Variants in PRAMEF12 observed in about 807,000 individuals in gnomAD.
The protein encoded by PRAMEF12 is PRAME family member 12.
Under a neutral mutation model 24.6 loss-of-function variants are expected in PRAMEF12, and 24 were observed. The observed-to-expected ratio is 0.98, with a 90% CI of 0.71 to 1.37. The LOEUF (loss-of-function observed/expected upper bound fraction) is 1.37, where lower values mean the gene tolerates loss of function less well. Among genes scored for constraint, PRAMEF12 ranks in the 40% most tolerant of loss-of-function variants. The pLI is 0.00. For missense variants in PRAMEF12, 646 were observed against 580.3 expected (o/e 1.11, Z -1.16); for synonymous variants, 286 against 242.6 (o/e 1.18, Z -1.66).
In PRAMEF12 at chr1:12,777,318, G is replaced by A; in HGVS notation, c.1171G>A (p.Ala391Thr). The change falls in exon 3 of 3, where the codon GCC becomes ACC. Residue 391 changes from alanine to threonine, a missense_variant. Transcript: ENST00000357726. ...CTTCTGTGGGAACCTCATCTCCATG[G>A]CCGCCCTGGAGAACCTGCTGCGCCA... ...FSFCGNLISM[A>T]ALENLLRHTV... 1 of 1,612,972 alleles carries A rather than the reference G, an allele frequency of 6.2e-7. No individual in the cohort carries two copies. The highest frequency in any genetic ancestry group is 2.2e-5 in the East Asian group (1 of 44,876).
rs763764259 is a variant in PRAMEF12 at position 12,775,953 on chromosome 1, G to A, written c.698G>A (p.Arg233His). The change falls in exon 2 of 3, where the codon CGC becomes CAC. Residue 233 changes from arginine to histidine, a missense_variant. Transcript: ENST00000357726. Reference sequence around the variant, plus strand: ...TACCTGGGCCAGATGAGGAATCTCCGCAAACTTGTTCTCTTCAACATCCAT... The same window carrying A: ...TACCTGGGCCAGATGAGGAATCTCCACAAACTTGTTCTCTTCAACATCCAT... Reference protein sequence around the residue: ...APYLGQMRNLRKLVLFNIHVS... With the variant: ...APYLGQMRNLHKLVLFNIHVS... 31 of 1,613,904 alleles carry A rather than the reference G, an allele frequency of 1.9e-5. No individual in the cohort carries two copies. The highest frequency in any genetic ancestry group is 2.2e-5 in the Non-Finnish European group (26 of 1,180,012).
rs1639072388 is a variant in PRAMEF12 at position 12,777,450 on chromosome 1, G to A, written c.1303G>A (p.Glu435Lys). 1 of 1,614,106 alleles carries A rather than the reference G, an allele frequency of 6.2e-7. No individual in the cohort carries two copies. Among genetic ancestry groups the A allele is most frequent in the East Asian group, 2.2e-5 (1 of 44,868 alleles). Reference sequence around the variant, plus strand: ...GGGAAGATTTTCTCAACTTGGGGCTGAGCTGATGAAGACACTGAGGGACTT... The same window carrying A: ...GGGAAGATTTTCTCAACTTGGGGCTAAGCTGATGAAGACACTGAGGGACTT... ...CWGRFSQLGA[E>K]LMKTLRDLRQ... Residue 435 changes from glutamate (E) to lysine (K), a missense_variant, in exon 3 of 3, where the codon GAG becomes AAG. By Grantham distance (56) the Glu-to-Lys change is moderately conservative (BLOSUM62 1). Transcript: ENST00000357726.
rs748990477 is a variant in PRAMEF12, at chr1:12,777,039, G to A, written c.892G>A (p.Val298Ile). 6 of 1,613,396 alleles carry A rather than the reference G, an allele frequency of 3.7e-6. No homozygotes were observed. Among genetic ancestry groups the A allele is most frequent in the Middle Eastern group, 1.6e-4 (1 of 6,072 alleles). The change falls in exon 3 of 3, where the codon GTA becomes ATA. Residue 298 changes from valine (V) to isoleucine (I), a missense_variant. Physicochemically the swap from Val to Ile is conservative, Grantham distance 29 (BLOSUM62 3). Transcript: ENST00000357726. ...RCLQAPLETV[V>I]MTECLLSESD... ...TCTCCAGGCCCCCTTGGAGACAGTCGTAATGACCGAATGCCTGCTGTCAGA... is the reference window on the plus strand; with the variant it reads ...TCTCCAGGCCCCCTTGGAGACAGTCATAATGACCGAATGCCTGCTGTCAGA...
In PRAMEF12 at chr1:12,777,816, G is replaced by A. The variant is rs1292194858; in HGVS notation, c.*217G>A. The A allele has an allele frequency of 1.3e-5, 8 of 606,664 alleles. No homozygotes were observed. The highest frequency in any genetic ancestry group is 2.0e-5 in the Non-Finnish European group (7 of 345,640). 37.6% of individuals were successfully genotyped at this position (606,664 alleles called of 1,614,324 possible). On this transcript the variant is annotated 3_prime_UTR_variant, in exon 3 of 3. Transcript: ENST00000357726. ...AAATGGGAATCTGAATTGCTAGAAT[G>A]AGAATCAGGTAGGAGAGACACATGA... is the stretch of plus-strand genomic sequence containing the variant.
chr1:12,774,778 C>G lies in PRAMEF12; in HGVS notation c.-90C>G. 1 of 1,325,336 alleles carries G rather than the reference C, an allele frequency of 7.5e-7. No individual in the cohort carries two copies. The highest frequency in any genetic ancestry group is 2.3e-5 in the East Asian group (1 of 43,036). 82.1% of individuals were successfully genotyped at this position (1,325,336 alleles called of 1,614,324 possible). A position where few individuals can be genotyped will look rare whatever the true frequency, so the allele number is the denominator to read the frequency against. ...TGGGGTGAACTAATTACCTTTCCACCTCTACCAGAGCAATGACATTGGCAC... is the reference window on the plus strand; with the variant it reads ...TGGGGTGAACTAATTACCTTTCCACGTCTACCAGAGCAATGACATTGGCAC... On this transcript the variant is annotated 5_prime_UTR_variant, in exon 1 of 3. Transcript: ENST00000357726.
rs751210619 is a variant in PRAMEF12, at chr1:12,776,062, G to A, written c.807G>A (p.Gln269=). 2 of 1,614,192 alleles carry A rather than the reference G, an allele frequency of 1.2e-6. No homozygotes were observed. Among genetic ancestry groups the A allele is most frequent in the Admixed American group, 3.3e-5 (2 of 60,028 alleles). Reference sequence around the variant, plus strand: ...AGTTCCTCAAGCTGGACTACTTCCAGAAGCTTTACATGCACTCTGTCTCTT... The same window carrying A: ...AGTTCCTCAAGCTGGACTACTTCCAAAAGCTTTACATGCACTCTGTCTCTT... The part of the protein sequence containing the change: ...TSQFLKLDYF[Q]KLYMHSVSFL... Residue 269 remains glutamine (Q), a synonymous_variant, in exon 2 of 3, where the codon CAG becomes CAA. Coordinates refer to ENST00000357726, the MANE Select transcript of PRAMEF12 (RefSeq NM_001080830.5).
In PRAMEF12 at chr1:12,775,963, T is replaced by C; in HGVS notation, c.708T>C (p.Val236=). The change falls in exon 2 of 3, where the codon GTT becomes GTC. Residue 236 remains valine (V), a synonymous_variant. Coordinates refer to ENST00000357726, the MANE Select transcript of PRAMEF12 (RefSeq NM_001080830.5). ...LGQMRNLRKL[V]LFNIHVSACI... The stretch of plus-strand genomic sequence containing the variant: ...AGATGAGGAATCTCCGCAAACTTGT[T>C]CTCTTCAACATCCATGTCTCTGCCT... The C allele has an allele frequency of 1.2e-6, 2 of 1,614,074 alleles. No homozygotes were observed. Among genetic ancestry groups the C allele is most frequent in the Non-Finnish European group, 1.7e-6 (2 of 1,180,002 alleles).
At position 12,777,744 on chromosome 1, in the gene PRAMEF12, A is replaced by T. The variant is rs1244303370; in HGVS notation, c.*145A>T. 1.1e-6 allele frequency: 1 copy of T among 920,206 alleles called. No homozygotes were observed. Among genetic ancestry groups the T allele is most frequent in the East Asian group, 2.6e-5 (1 of 37,920 alleles). The allele number at this position is 920,206 out of a possible 1,614,324, so 57.0% of individuals were successfully genotyped here. On this transcript the variant is annotated 3_prime_UTR_variant, in exon 3 of 3. Coordinates refer to ENST00000357726, the MANE Select transcript of PRAMEF12 (RefSeq NM_001080830.5). ...AAGGGAGGGACTGGGGGAAAAGTTG[A>T]GTTGGAGTCAATAGGAGCTTTAGAG... is the stretch of plus-strand genomic sequence containing the variant.
chr1:12,775,271 G>C, intron 1 of PRAMEF12, 117 bp downstream of exon 1: 1 of 1,224,850 alleles, frequency 8.2e-7, no homozygotes, highest in Non-Finnish European at 1.1e-6. Flanking sequence ...GGGCTGGGGA[G>C]GAAGCTCAGA....
chr1:12,777,545 C>T lies in PRAMEF12; in HGVS notation c.1398C>T (p.Asp466=), dbSNP rs766932235. The change falls in exon 3 of 3, where the codon GAC becomes GAT. Residue 466 remains aspartate, a synonymous_variant. Coordinates refer to ENST00000357726, the MANE Select transcript of PRAMEF12 (RefSeq NM_001080830.5). Reference sequence around the variant, plus strand: ...GCTGTGGCATCAGGGCCTCCTATGACCTGGAGCCCAGTCACTGTCTGTTGA... The same window carrying T: ...GCTGTGGCATCAGGGCCTCCTATGATCTGGAGCCCAGTCACTGTCTGTTGA... The part of the protein sequence containing the change: ...CPRCGIRASY[D]LEPSHCLLNA... 5 of 1,614,128 alleles carry T rather than the reference C, an allele frequency of 3.1e-6. 1 individual carries two copies. Among genetic ancestry groups the T allele is most frequent in the Admixed American group, 1.7e-5 (1 of 60,004 alleles).
rs1639070450 is a variant in PRAMEF12 at position 12,777,362 on chromosome 1, G to A, written c.1215G>A (p.Lys405=). 6.2e-7 allele frequency: 1 copy of A among 1,613,656 alleles called. No individual in the cohort carries two copies. Among genetic ancestry groups the A allele is most frequent in the Non-Finnish European group, 8.5e-7 (1 of 1,179,872 alleles). Residue 405 remains lysine, a synonymous_variant, in exon 3 of 3, where the codon AAG becomes AAA. Transcript: ENST00000357726. The part of the protein sequence containing the change: ...NLLRHTVGLS[K]LSLELYPAPL... ...TGCGCCACACCGTCGGGCTGAGCAA[G>A]CTAAGCCTGGAGCTGTATCCTGCCC...
rs1289685035 is a variant in PRAMEF12 at position 12,773,782 on chromosome 1, AG to A, written c.-1084del. On this transcript the variant is annotated 5_prime_UTR_variant, in exon 1 of 3. Transcript: ENST00000357726. ...TGGAGCTACTGCTCGGTTCTCTGAG[AG>A]GTTGCAGCACCCTGCAAACTGAGTC... Among the ~76,000 whole-genome samples, 1 of 152,190 alleles carries A rather than the reference AG, an allele frequency of 6.6e-6. No homozygotes were observed.
chr1:12,775,147 C>T lies in PRAMEF12; in HGVS notation c.280C>T (p.Arg94Cys), dbSNP rs752095583. ...TGATGCACTGCTTGCCCAGAAGGTTCGCCCCAGGTGAGGTGACCCAGCTAA... is the reference window on the plus strand; with the variant it reads ...TGATGCACTGCTTGCCCAGAAGGTTTGCCCCAGGTGAGGTGACCCAGCTAA... ...GLDALLAQKV[R>C]PRRWKLQVLD... Residue 94 changes from arginine to cysteine, a missense_variant, in exon 1 of 3, where the codon CGC becomes TGC. Physicochemically the swap from Arg to Cys is radical, Grantham distance 180. Transcript: ENST00000357726. 48 of 1,609,432 alleles carry T rather than the reference C, an allele frequency of 3.0e-5. No individual in the cohort carries two copies. The East Asian group carries it at 4.0e-4, about 13-fold the overall frequency.
intron 1 of PRAMEF12, among the ~76,000 whole-genome samples, 180 bp from the exon 2 acceptor site, chr1:12,775,363 C>T (rs1639033514): frequency 6.6e-6 from 1 of 152,120 alleles, no homozygotes; most frequent in South Asian, 2.1e-4. Flanking sequence ...AACCTGCCTC[C>T]TGCCAGTGGC....
chr1:12,776,992 CCTT>C lies in PRAMEF12; in HGVS notation c.864-15_864-13del, dbSNP rs745313926. The C allele has an allele frequency of 1.4e-5, 22 of 1,603,146 alleles. No homozygotes were observed. The East Asian group carries it at 1.6e-4, about 11-fold the overall frequency. ...TCTTCCCCACCACTCTCCTCTAACT[CCTT>C]CTTGTTCTCTCCCAGGTGTCTCCAG... On this transcript the variant is annotated splice_polypyrimidine_tract_variant and intron_variant, in intron 2 of 2. Coordinates refer to ENST00000357726, the MANE Select transcript of PRAMEF12 (RefSeq NM_001080830.5).
At position 12,775,613 on chromosome 1, in the gene PRAMEF12, T is replaced by A; in HGVS notation, c.358T>A (p.Ser120Thr). 1 of 1,613,976 alleles carries A rather than the reference T, an allele frequency of 6.2e-7. No homozygotes were observed. Among genetic ancestry groups the A allele is most frequent in the Non-Finnish European group, 8.5e-7 (1 of 1,179,990 alleles). ...ENFWGIWSGASALSPEALSKR... is the reference protein window; with the variant it reads ...ENFWGIWSGATALSPEALSKR... ...CTTCTGGGGCATATGGTCTGGAGCT[T>A]CTGCACTCTCCCCAGAGGCCCTGAG... The change falls in exon 2 of 3, where the codon TCT (serine) becomes ACT (threonine). Residue 120 changes from serine to threonine, a missense_variant. Transcript: ENST00000357726.
In PRAMEF12 at chr1:12,777,007, C is replaced by A. The variant is rs1388825387; in HGVS notation, c.864-4C>A. On this transcript the variant is annotated splice_region_variant and splice_polypyrimidine_tract_variant and intron_variant, in intron 2 of 2. Transcript: ENST00000357726. ...TCCTCTAACTCCTTCTTGTTCTCTC[C>A]CAGGTGTCTCCAGGCCCCCTTGGAG... The A allele has an allele frequency of 6.2e-7, 1 of 1,608,732 alleles. No individual in the cohort carries two copies. Among genetic ancestry groups the A allele is most frequent in the African/African-American group, 1.3e-5 (1 of 74,828 alleles).
Position 12,776,051 on chromosome 1 carries a change from G to A in PRAMEF12, c.796G>A (p.Asp266Asn). 1 of 1,614,190 alleles carries A rather than the reference G, an allele frequency of 6.2e-7. No homozygotes were observed. The change falls in exon 2 of 3, where the codon GAC becomes AAC. Residue 266 changes from aspartate to asparagine, a missense_variant. Physicochemically the swap from Asp to Asn is conservative, Grantham distance 23. Transcript: ENST00000357726. ...IQFTSQFLKLDYFQKLYMHSV... is the reference protein window; with the variant it reads ...IQFTSQFLKLNYFQKLYMHSV... ...GTTCACCTCTCAGTTCCTCAAGCTG[G>A]ACTACTTCCAGAAGCTTTACATGCA...
chr1:12,776,265 C>T (rs1639050590), intron 2 of PRAMEF12, 147 bp downstream of exon 2: 3 of 848,932 alleles, frequency 3.5e-6, no homozygotes, highest in African/African-American at 1.7e-5. Context: ...GTCCTGTTGG[C>T]AGCTCTGTCC....
Sources: allele counts gnomAD v4.1 joint callset (sites outside exome capture counted in the v4.1 genomes callset), GRCh38; gene constraint gnomAD v4.1.1; transcripts MANE v1.5; gene names NCBI Gene and HGNC (gene_info 2026-07-23, HGNC 2026-07-21).